The following NCK2 variants were observed in gnomAD, a reference collection of about 807,000 sequenced individuals.
The protein encoded by NCK2 is NCK adaptor protein 2.
NCK2 carries 16 observed loss-of-function variants against 33.9 expected under a neutral mutation model. That is an observed-to-expected ratio of 0.47 (90% CI 0.32 to 0.72). The LOEUF (loss-of-function observed/expected upper bound fraction) is 0.72. NCK2 is among the 30% of genes least tolerant of loss of function. The pLI, the probability that NCK2 is intolerant of heterozygous loss-of-function variation, is 0.03. For missense variants in NCK2, 418 were observed against 537.3 expected, an observed-to-expected ratio of 0.78 and a Z score of 2.19; for synonymous variants, 273 against 239.9, an observed-to-expected ratio of 1.14 and a Z score of -1.27.
At chr2:105,764,788 A>T (rs1452110178) in intron 1 of NCK2, among the ~76,000 whole-genome samples, 2 of 152,238 alleles carry the variant, frequency 1.3e-5, no homozygotes, top group African/African-American at 2.4e-5. Flanking sequence ...TTTGCAGCTC[A>T]TCCTTGTAAG....
intron 1 of NCK2, among the ~76,000 whole-genome samples, chr2:105,746,966 G>A (rs762997273): frequency 1.3e-5 from 2 of 152,134 alleles, no homozygotes; most frequent in African/African-American, 2.4e-5. Flanking sequence ...ACATTCAGGG[G>A]GGTTGGTCAT....
intron 1 of NCK2, among the ~76,000 whole-genome samples, chr2:105,789,452 G>C (rs749436694): frequency 6.6e-6 from 1 of 152,140 alleles, no homozygotes; most frequent in Non-Finnish European, 1.5e-5. Context: ...GCCTCCCAAG[G>C]TGCTGGGCTT....
At chr2:105,874,667 CT>C (rs1450262014) in intron 3 of NCK2, among the ~76,000 whole-genome samples, 1 of 152,194 alleles carries the variant, frequency 6.6e-6, no homozygotes, top group African/African-American at 2.4e-5. Context: ...CAGCTTAAAT[CT>C]CCCGAACTCC....
At chr2:105,875,531 T>C (rs949781060) in intron 3 of NCK2, among the ~76,000 whole-genome samples, 3 of 152,150 alleles carry the variant, frequency 2.0e-5, no homozygotes, top group Non-Finnish European at 4.4e-5. Flanking sequence ...ACCCGTAATA[T>C]GATGGTATTG....
chr2:105,770,116 C>T (rs1430399851), intron 1 of NCK2, among the ~76,000 whole-genome samples: 1 of 105,904 alleles, frequency 9.4e-6, no homozygotes, highest in Non-Finnish European at 1.9e-5. Context: ...ACATAAAGCA[C>T]TAATAAGTAA....
intron 1 of NCK2, among the ~76,000 whole-genome samples, chr2:105,751,937 AC>A (rs1689466781): frequency 6.6e-6 from 1 of 152,198 alleles, no homozygotes; most frequent in African/African-American, 2.4e-5. Context: ...AAAATGTAAA[AC>A]CAAACAAGTA....
chr2:105,877,003 C>T (rs1558882589), intron 3 of NCK2, among the ~76,000 whole-genome samples: 1 of 152,108 alleles, frequency 6.6e-6, no homozygotes, highest in Non-Finnish European at 1.5e-5. Context: ...TGAGATGTCC[C>T]GGCTGCCACC....
chr2:105,769,047 C>T (rs1690040282), intron 1 of NCK2, among the ~76,000 whole-genome samples: 1 of 152,132 alleles, frequency 6.6e-6, no homozygotes, highest in Non-Finnish European at 1.5e-5. Flanking sequence ...CTGGCAATGA[C>T]CAGCTCCCCT....
intron 3 of NCK2, chr2:105,856,579 TG>T: frequency 6.6e-6 from 1 of 152,370 alleles, no homozygotes; most frequent in South Asian, 2.1e-4. Context: ...TTTTCTTTTC[TG>T]CCATGTTGAA....
intron 2 of NCK2, among the ~76,000 whole-genome samples, chr2:105,823,743 A>G (rs1435327813): frequency 1.3e-5 from 2 of 152,002 alleles, no homozygotes; most frequent in East Asian, 1.9e-4. Flanking sequence ...TCTCCCTGGA[A>G]AGTAAAATAT....
intron 3 of NCK2, among the ~76,000 whole-genome samples, chr2:105,867,245 T>A (rs1300569652): frequency 2.0e-5 from 3 of 152,236 alleles, no homozygotes; most frequent in Non-Finnish European, 4.4e-5. Context: ...AGAGATGCAT[T>A]TAATACTTCA....
At chr2:105,841,203 C>T (rs891765444) in intron 2 of NCK2, among the ~76,000 whole-genome samples, 3 of 150,314 alleles carry the variant, frequency 2.0e-5, no homozygotes, top group African/African-American at 5.0e-5. Flanking sequence ...GGCATGTAAC[C>T]TTTTCGCCTT....
At chr2:105,816,052 A>G (rs547164458) in intron 1 of NCK2, among the ~76,000 whole-genome samples, 1 of 140,748 alleles carries the variant, frequency 7.1e-6, no homozygotes, top group Admixed American at 7.0e-5. Context: ...TTGCCCAGGG[A>G]ATGAAAGGTG....
chr2:105,848,372 C>T (rs1573198308), intron 2 of NCK2: 1 of 152,160 alleles, frequency 6.6e-6, no homozygotes. Flanking sequence ...ACAGAGGAAA[C>T]CTCTGTAATT....
chr2:105,792,444 C>T (rs555664309), intron 1 of NCK2, among the ~76,000 whole-genome samples: 7 of 152,238 alleles, frequency 4.6e-5, no homozygotes, highest in African/African-American at 9.6e-5. Context: ...GTAAATATTA[C>T]GGAATTTCAA....
intron 1 of NCK2, among the ~76,000 whole-genome samples, chr2:105,804,137 C>G (rs1335861590): frequency 1.3e-5 from 2 of 152,136 alleles, no homozygotes; most frequent in Non-Finnish European, 2.9e-5. Context: ...CAAGGGTGTA[C>G]TCTGTAAGGG....
chr2:105,891,263 T>C (rs1678963958), intron 4 of NCK2, among the ~76,000 whole-genome samples: 1 of 151,802 alleles, frequency 6.6e-6, no homozygotes, highest in Non-Finnish European at 1.5e-5. Flanking sequence ...CTTTTTTTTG[T>C]TTGTTTTCTT....
chr2:105,838,293 T>C (rs367841392), intron 2 of NCK2, among the ~76,000 whole-genome samples: 2 of 148,562 alleles, frequency 1.3e-5, no homozygotes, highest in East Asian at 3.9e-4. Context: ...TTTTAAATGC[T>C]GGAATTTTAT....
chr2:105,770,328 G>T (rs1690092590), intron 1 of NCK2, among the ~76,000 whole-genome samples: 1 of 152,104 alleles, frequency 6.6e-6, no homozygotes, highest in Non-Finnish European at 1.5e-5. Flanking sequence ...CCAGTTAGAG[G>T]TAAACTTAGT....
Sources: allele counts gnomAD v4.1 joint callset (sites outside exome capture counted in the v4.1 genomes callset), GRCh38; gene constraint gnomAD v4.1.1; transcripts MANE v1.5; gene names NCBI Gene and HGNC (gene_info 2026-07-23, HGNC 2026-07-21).